Variants in NAPEPLD observed in about 807,000 individuals in gnomAD.
The protein encoded by NAPEPLD is N-acyl phosphatidylethanolamine phospholipase D.
Under a neutral mutation model 38.1 loss-of-function variants are expected in NAPEPLD, and 23 were observed. The ratio of observed to expected loss-of-function variants is 0.60; its 90% CI spans 0.43 to 0.86. NAPEPLD has a LOEUF of 0.86. NAPEPLD is among the 40% of genes least tolerant of loss of function. NAPEPLD has a pLI of 0.00. For synonymous variants in NAPEPLD, 147 were observed against 162.0 expected (o/e 0.91, Z 0.71); for missense variants, 411 against 476.8 (o/e 0.86, Z 1.28).
Position 103,148,825 on chromosome 7 carries a change from G to C in NAPEPLD, c.-31C>G. The C allele has an allele frequency of 1.0e-6, 1 of 985,410 alleles. No homozygotes were observed. 61.0% of individuals were successfully genotyped at this position (985,410 alleles called of 1,614,324 possible). ...GATAAACCCACATGTATTCCTATCA[G>C]TGAAGATGCAACCTGGTAATTTGCA... is the stretch of plus-strand genomic sequence containing the variant. On this transcript the variant is annotated 5_prime_UTR_variant, in exon 1 of 5. Coordinates refer to ENST00000465647, the MANE Select transcript of NAPEPLD (RefSeq NM_001122838.3).
chr7:103,147,320 C>A (rs1354054986), intron 1 of NAPEPLD, among the ~76,000 whole-genome samples: 1 of 152,206 alleles, frequency 6.6e-6, no homozygotes, highest in Non-Finnish European at 1.5e-5. Flanking sequence ...ACATACAGTT[C>A]ATTTCCCTAA....
At chr7:103,105,505 A>AT (rs1803130128) in intron 4 of NAPEPLD, among the ~76,000 whole-genome samples, 1 of 152,248 alleles carries the variant, frequency 6.6e-6, no homozygotes. Context: ...TATGTAGGAA[A>AT]TGCACTCATC....
chr7:103,119,393 T>G (rs565022484), intron 3 of NAPEPLD, among the ~76,000 whole-genome samples, 184 bp downstream of exon 3: 1 of 152,152 alleles, frequency 6.6e-6, no homozygotes, highest in East Asian at 1.9e-4. Context: ...ATTTAAAAAA[T>G]ATTTAATTTA....
intron 3 of NAPEPLD, among the ~76,000 whole-genome samples, chr7:103,116,186 T>A (rs1805533217): frequency 6.6e-6 from 1 of 152,068 alleles, no homozygotes; most frequent in Non-Finnish European, 1.5e-5. Context: ...TTCAACCTCC[T>A]GGGTAGCTGG....
intron 2 of NAPEPLD, among the ~76,000 whole-genome samples, chr7:103,122,815 T>C (rs1806991910): frequency 6.6e-6 from 1 of 152,198 alleles, no homozygotes; most frequent in Admixed American, 6.5e-5. Flanking sequence ...TTCAAAGCTC[T>C]CCAGATTGCT....
At chr7:103,139,645 T>G (rs1234853019) in intron 1 of NAPEPLD, among the ~76,000 whole-genome samples, 6 of 152,196 alleles carry the variant, frequency 3.9e-5, no homozygotes, top group Non-Finnish European at 8.8e-5. Flanking sequence ...AGAGGTTACT[T>G]GAACCCTGAT....
At chr7:103,123,495 G>A (rs933131471) in intron 2 of NAPEPLD, among the ~76,000 whole-genome samples, 3 of 152,200 alleles carry the variant, frequency 2.0e-5, no homozygotes, top group African/African-American at 7.2e-5. Flanking sequence ...CTAAGTACTC[G>A]TACTTGGCAT....
At position 103,104,156 on chromosome 7, in the gene NAPEPLD, G is replaced by A. The variant is rs76652946; in HGVS notation, c.1057-602C>T. ...AATGGGAGTCACCCTTTACTGAGAT[G>A]TTTGAAAAGTAAGCTTGAGGGAAGA... On this transcript the variant is annotated intron_variant, in intron 4 of 4. Transcript: ENST00000465647. 6.3e-3 allele frequency among the ~76,000 whole-genome samples: 959 copies of A among 152,274 alleles called. 12 individuals are homozygous for A. Among genetic ancestry groups the A allele is most frequent in the African/African-American group, 0.022 (907 of 41,552 alleles).
Position 103,148,910 on chromosome 7 carries a change from T to C in NAPEPLD, c.-116A>G, listed in dbSNP as rs1813160876. On this transcript the variant is annotated 5_prime_UTR_variant, in exon 1 of 5. Transcript: ENST00000465647. ...CTCCCAAAGAGAAAAAAAATAATGC[T>C]GTGGCTCTTCACCGAGGCAGCTTCA... 2 of 985,306 alleles carry C rather than the reference T, an allele frequency of 2.0e-6. No homozygotes were observed. Among genetic ancestry groups the C allele is most frequent in the Non-Finnish European group, 2.4e-6 (2 of 829,908 alleles). The allele number at this position is 985,306 out of a possible 1,614,324, so 61.0% of individuals were successfully genotyped here. A position where few individuals can be genotyped will look rare whatever the true frequency, so the allele number is the denominator to read the frequency against.
Position 103,115,070 on chromosome 7 carries a change from A to G in NAPEPLD, c.1046T>C (p.Leu349Ser), listed in dbSNP as rs778886110. 6.2e-7 allele frequency: 1 copy of G among 1,612,492 alleles called. No individual in the cohort carries two copies. Among genetic ancestry groups the G allele is most frequent in the African/African-American group, 1.3e-5 (1 of 74,994 alleles). ...CGCAATCAAACTTACCTCATTTGCTAAGGCAAAAGTTCCCCAGTGAATTGC... is the reference window on the plus strand; with the variant it reads ...CGCAATCAAACTTACCTCATTTGCTGAGGCAAAAGTTCCCCAGTGAATTGC... The part of the protein sequence containing the change: ...SMAIHWGTFA[L>S]ANEHYLEPPV... The change falls in exon 4 of 5, where the codon TTA becomes TCA. Residue 349 changes from leucine to serine, a missense_variant. Leu to Ser is a moderately radical substitution (Grantham distance 145). Transcript: ENST00000465647.
intron 4 of NAPEPLD, among the ~76,000 whole-genome samples, chr7:103,109,642 A>G (rs979540144): frequency 2.0e-5 from 3 of 152,182 alleles, no homozygotes; most frequent in Non-Finnish European, 4.4e-5. Context: ...CACAAGAGAA[A>G]GCGGGAAAGA....
chr7:103,114,526 C>A (rs1188951019), intron 4 of NAPEPLD, among the ~76,000 whole-genome samples: 2 of 152,206 alleles, frequency 1.3e-5, no homozygotes, highest in South Asian at 4.1e-4. Context: ...CGAGCCTATG[C>A]TCTGCCCTTT....
At chr7:103,124,208 C>A (rs1807281551) in intron 2 of NAPEPLD, among the ~76,000 whole-genome samples, 1 of 152,026 alleles carries the variant, frequency 6.6e-6, no homozygotes, top group Admixed American at 6.5e-5. Flanking sequence ...CCTGTAATCC[C>A]AGCACTTTGG....
intron 3 of NAPEPLD, among the ~76,000 whole-genome samples, chr7:103,117,144 C>G (rs575811352): frequency 6.6e-6 from 1 of 152,218 alleles, no homozygotes; most frequent in Non-Finnish European, 1.5e-5. Context: ...GACCAACAGA[C>G]ATGGATTCAG....
chr7:103,129,834 A>T (rs1808556750), intron 1 of NAPEPLD, among the ~76,000 whole-genome samples: 1 of 152,296 alleles, frequency 6.6e-6, no homozygotes, highest in East Asian at 1.9e-4. Context: ...AAGACCTGTA[A>T]TACAAGTAAG....
At chr7:103,106,467 C>A (rs1044298696) in intron 4 of NAPEPLD, among the ~76,000 whole-genome samples, 2 of 152,114 alleles carry the variant, frequency 1.3e-5, no homozygotes, top group Admixed American at 6.5e-5. Context: ...GCGGGGCCCA[C>A]CCCCACAAAG....
At chr7:103,141,672 G>T in intron 1 of NAPEPLD, 1 of 903,230 alleles carries the variant, frequency 1.1e-6, no homozygotes, top group Non-Finnish European at 1.9e-6. Flanking sequence ...ACCTTCTCTG[G>T]CATTCGGGCA....
intron 2 of NAPEPLD, among the ~76,000 whole-genome samples, chr7:103,121,281 A>C (rs1166338635): frequency 3.9e-5 from 6 of 152,208 alleles, no homozygotes; most frequent in Non-Finnish European, 1.5e-5. Context: ...AGCTAGGCCA[A>C]CAAAAAGTGG....
Position 103,105,578 on chromosome 7 carries a change from A to G in NAPEPLD, c.1057-2024T>C, listed in dbSNP as rs371883473. Among the ~76,000 whole-genome samples the G allele has an allele frequency of 5.9e-5, 9 of 152,232 alleles. 1 individual carries two copies. In the East Asian group the frequency reaches 9.6e-4, roughly 16 times the overall value. On this transcript the variant is annotated intron_variant, in intron 4 of 4. Transcript: ENST00000465647. ...TTTAGAGTATTGCCAAGTTAAGGAC[A>G]TCCTTAATCTGCTTATATTACACGA... is the stretch of plus-strand genomic sequence containing the variant.
Sources: allele counts gnomAD v4.1 joint callset (sites outside exome capture counted in the v4.1 genomes callset), GRCh38; gene constraint gnomAD v4.1.1; transcripts MANE v1.5; gene names NCBI Gene and HGNC (gene_info 2026-07-23, HGNC 2026-07-21).